The following VPS13C variants were observed in gnomAD, a reference collection of about 807,000 sequenced individuals.
VPS13C encodes the protein vacuolar protein sorting 13 homolog C, also known as intermembrane lipid transfer protein VPS13C.
In VPS13C, 358 loss-of-function variants were observed where a neutral mutation model predicts 456.8. The ratio of observed to expected loss-of-function variants is 0.78; its 90% confidence interval spans 0.72 to 0.86. VPS13C has a LOEUF of 0.86. Ranked by LOEUF, VPS13C falls within the 40% of genes least tolerant of loss-of-function variation. The pLI, the probability that VPS13C is intolerant of heterozygous loss-of-function variation, is 0.00. For synonymous variants in VPS13C, 1,578 were observed against 1,486.7 expected (o/e 1.06, Z -1.41); for missense variants, 4,818 against 4,385.4 (o/e 1.10, Z -2.79).
At chr15:62,028,268 T>C in intron 6 of VPS13C, 90 bp downstream of exon 6, 3 of 1,363,096 alleles carry the variant, frequency 2.2e-6, no homozygotes, top group Non-Finnish European at 3.1e-6. Flanking sequence ...TCTAAAAGGA[T>C]GGCATGCCAT....
chr15:61,869,640 A>C lies in VPS13C; in HGVS notation c.10625-17T>G. On this transcript the variant is annotated splice_polypyrimidine_tract_variant and intron_variant, in intron 79 of 84. Coordinates refer to ENST00000644861, the MANE Select transcript of VPS13C (RefSeq NM_020821.3). Reference sequence around the variant, plus strand: ...TTTTGGCACCTTCAGAAAACCAATGACCATGAATGGATAAAGATATTTTTA... The same window carrying C: ...TTTTGGCACCTTCAGAAAACCAATGCCCATGAATGGATAAAGATATTTTTA... 6.2e-7 allele frequency: 1 copy of C among 1,613,736 alleles called. No individual in the cohort carries two copies. Among genetic ancestry groups the C allele is most frequent in the Non-Finnish European group, 8.5e-7 (1 of 1,179,876 alleles).
rs1003463552 is a variant in VPS13C, at chr15:61,867,941, G to A, written c.10863+718C>T. ...GGAAACATTTATTCCTGTATTTCCA[G>A]TTCTTGCTGTGCAGGCAGAAAAACA... On this transcript the variant is annotated intron_variant, in intron 81 of 84. Transcript: ENST00000644861. This position sits in a 1 kb window ranked among gnomAD's most constrained non-coding sequence, Gnocchi z 5.0. 2 of 1,596,816 alleles carry A rather than the reference G, an allele frequency of 1.3e-6. No homozygotes were observed. The highest frequency in any genetic ancestry group is 1.7e-6 in the Non-Finnish European group (2 of 1,165,964).
intron 20 of VPS13C, among the ~76,000 whole-genome samples, chr15:61,983,173 C>T (rs2045937251): frequency 6.6e-6 from 1 of 152,098 alleles, no homozygotes; most frequent in Non-Finnish European, 1.5e-5. Context: ...TCTTTATATG[C>T]TGTCCCCCCA....
chr15:61,927,448 T>C (rs967073032), intron 51 of VPS13C, 128 bp from the exon 52 acceptor site: 4 of 671,514 alleles, frequency 6.0e-6, no homozygotes, highest in African/African-American at 5.5e-5. Flanking sequence ...ACTGACAATA[T>C]TAATTGGTTA....
At chr15:61,857,692 A>G (rs1233743422) in intron 82 of VPS13C, among the ~76,000 whole-genome samples, 1 of 152,182 alleles carries the variant, frequency 6.6e-6, no homozygotes, top group African/African-American at 2.4e-5. Flanking sequence ...AGAGAGTGGC[A>G]ATAGACAATC....
chr15:61,924,924 C>T (rs1245366722), intron 53 of VPS13C, among the ~76,000 whole-genome samples: 1 of 152,098 alleles, frequency 6.6e-6, no homozygotes, highest in African/African-American at 2.4e-5. Flanking sequence ...CTTAAAGAAC[C>T]TGAACGCCAT....
Position 61,951,921 on chromosome 15 carries a change from A to C in VPS13C, c.4359T>G (p.Asn1453Lys). 6.2e-7 allele frequency: 1 copy of C among 1,613,882 alleles called. No homozygotes were observed. Among genetic ancestry groups the C allele is most frequent in the East Asian group, 2.2e-5 (1 of 44,846 alleles). ...TAGCTTCCATTCCAAGTTGCAGGAC[A>C]TTTAGCTCATGTAAAGGCCTTCCTT... ...EKKGRPLHEL[N>K]VLQLGMEAKV... The change falls in exon 39 of 85, where the codon AAT becomes AAG. Residue 1453 changes from asparagine (N) to lysine (K), a missense_variant. This residue lies in a region of VPS13C where 4,552 missense variants were observed against 4,130.6 expected (regional missense o/e 1.10). Transcript: ENST00000644861.
intron 81 of VPS13C, chr15:61,866,270 A>T: frequency 1.0e-6 from 1 of 984,120 alleles, no homozygotes; most frequent in South Asian, 4.7e-5. Context: ...AATGCACTAA[A>T]GTTTTAAAAG....
At chr15:61,860,699 A>G (rs1012915323) in intron 82 of VPS13C, among the ~76,000 whole-genome samples, 3 of 152,168 alleles carry the variant, frequency 2.0e-5, no homozygotes, top group African/African-American at 7.2e-5. Flanking sequence ...AAAAATTGAC[A>G]AGACTAAAAT....
intron 1 of VPS13C, among the ~76,000 whole-genome samples, chr15:62,058,925 A>G (rs2048893887): frequency 1.0e-5 from 1 of 99,458 alleles, no homozygotes; most frequent in Non-Finnish European, 2.1e-5. Flanking sequence ...TCAAAAAGAC[A>G]AGCCAAAAAA....
At chr15:61,960,220 C>A (rs989049886) in intron 35 of VPS13C, among the ~76,000 whole-genome samples, 1 of 152,074 alleles carries the variant, frequency 6.6e-6, no homozygotes, top group Non-Finnish European at 1.5e-5. Context: ...CAGACACAAC[C>A]AAATTGAGAG....
chr15:61,931,894 T>C (rs2113935), intron 49 of VPS13C, among the ~76,000 whole-genome samples: 10,652 of 152,172 alleles, frequency 0.07, 617 homozygotes, highest in East Asian at 0.2. Flanking sequence ...ATAATAAATA[T>C]TTAATGAGCT....
At chr15:62,056,556 G>A (rs2048807739) in intron 1 of VPS13C, among the ~76,000 whole-genome samples, 1 of 152,172 alleles carries the variant, frequency 6.6e-6, no homozygotes, top group African/African-American at 2.4e-5. Flanking sequence ...CCGCGACTTA[G>A]CAGACCAGGG....
chr15:62,056,367 A>G (rs943785437), intron 1 of VPS13C, among the ~76,000 whole-genome samples: 2 of 152,240 alleles, frequency 1.3e-5, no homozygotes, highest in Non-Finnish European at 2.9e-5. Context: ...ATACAGAGAT[A>G]GGAGCTGAGG....
chr15:61,918,045 T>C lies in VPS13C; in HGVS notation c.7760+91A>G, dbSNP rs113433274. ...ATGTCTTAAAACTGGCTTTTACTGA[T>C]CTTTAGTTAATAAAAATATGAAGTT... On this transcript the variant is annotated intron_variant, in intron 59 of 84. Coordinates refer to ENST00000644861, the MANE Select transcript of VPS13C (RefSeq NM_020821.3). 68 of 1,345,078 alleles carry C rather than the reference T, an allele frequency of 5.1e-5. 1 individual carries two copies. In the African/African-American group the frequency reaches 5.8e-4, roughly 12 times the overall value. 83.3% of individuals were successfully genotyped at this position (1,345,078 alleles called of 1,614,324 possible). A position where few individuals can be genotyped will look rare whatever the true frequency, so the allele number is the denominator to read the frequency against.
chr15:62,049,982 C>T (rs4100672), intron 1 of VPS13C, among the ~76,000 whole-genome samples: 82,373 of 151,920 alleles, frequency 0.54, 22,673 homozygotes, highest in Admixed American at 0.62. Flanking sequence ...AAGTTGCTTA[C>T]CAGCTTAAGG....
In VPS13C at chr15:62,007,424, T is replaced by C. The variant is rs373392435; in HGVS notation, c.1174A>G (p.Met392Val). 1.2e-6 allele frequency: 2 copies of C among 1,612,846 alleles called. No homozygotes were observed. The highest frequency in any genetic ancestry group is 1.1e-5 in the South Asian group (1 of 90,728). ...LEVHIRRYTQ[M>V]WSWSNIKKHR... Reference sequence around the variant, plus strand: ...TTTTTTATGTTACTCCATGACCACATCTGTGTATACCTTCTTATATGAACT... The same window carrying C: ...TTTTTTATGTTACTCCATGACCACACCTGTGTATACCTTCTTATATGAACT... The change falls in exon 15 of 85, where the codon ATG becomes GTG. Residue 392 changes from methionine (M) to valine (V), a missense_variant. Met to Val is a conservative substitution (Grantham distance 21). Coordinates refer to ENST00000644861, the MANE Select transcript of VPS13C (RefSeq NM_020821.3).
chr15:61,997,420 C>T (rs2046425813), intron 16 of VPS13C, among the ~76,000 whole-genome samples: 1 of 152,128 alleles, frequency 6.6e-6, no homozygotes, highest in African/African-American at 2.4e-5. Context: ...TAAAGAAATC[C>T]ATGTGCTGAC....
intron 81 of VPS13C, chr15:61,865,784 G>GTA (rs894664096): frequency 1.4e-6 from 1 of 718,716 alleles, no homozygotes; most frequent in African/African-American, 2.3e-5. Flanking sequence ...ATATGTATGT[G>GTA]TATATATATG....
Sources: allele counts gnomAD v4.1 joint callset (sites outside exome capture counted in the v4.1 genomes callset), GRCh38; gene constraint gnomAD v4.1.1; regional missense constraint gnomAD v4.1.1; non-coding constraint Gnocchi (gnomAD v3.1); transcripts MANE v1.5; gene names NCBI Gene and HGNC (gene_info 2026-07-23, HGNC 2026-07-21).